MCF2: variants seen among roughly 807,000 people sequenced by gnomAD.
The protein encoded by MCF2 is MCF.2 cell line derived transforming sequence, also known as proto-oncogene DBL.
Under a neutral mutation model 82.5 loss-of-function variants are expected in MCF2, and 44 were observed. The ratio of observed to expected loss-of-function variants is 0.53; its 90% CI spans 0.42 to 0.69. The LOEUF is 0.69. MCF2 is among the 30% of genes least tolerant of loss of function. The pLI is 0.00. For missense variants in MCF2, 623 were observed against 663.1 expected, an observed-to-expected ratio of 0.94 and a Z score of 0.66; for synonymous variants, 217 against 224.9, an observed-to-expected ratio of 0.96 and a Z score of 0.32.
At chrX:139,679,384 G>A (rs1569398182) in intron 1 of MCF2, among the ~76,000 whole-genome samples, 1 of 112,380 alleles carries the variant, frequency 8.9e-6, no homozygotes, top group Non-Finnish European at 1.9e-5. Context: ...GGAAAGAATA[G>A]GAATACAAAA....
intron 23 of MCF2, 56 bp downstream of exon 27, chrX:139,586,322 C>T (rs1234999360): frequency 2.3e-5 from 19 of 840,907 alleles, no homozygotes; most frequent in African/African-American, 4.0e-5. Flanking sequence ...ATTAATAATA[C>T]GAGGTAAAAA....
intron 1 of MCF2, among the ~76,000 whole-genome samples, chrX:139,652,341 C>T (rs12397080): frequency 0.029 from 3,281 of 111,249 alleles, 114 homozygotes; most frequent in African/African-American, 0.1. Context: ...CATGCAAACG[C>T]GGGCAAGTTA....
intron 4 of MCF2, 85 bp from the exon 8 acceptor site, chrX:139,626,841 T>C: frequency 2.4e-6 from 2 of 822,845 alleles, no homozygotes; most frequent in Non-Finnish European, 3.5e-6. Context: ...AACTATGGCA[T>C]GAAGAATCGA....
At chrX:139,603,353 T>A (rs10521799) in intron 15 of MCF2, among the ~76,000 whole-genome samples, 4,581 of 112,026 alleles carry the variant, frequency 0.041, 115 homozygotes, top group African/African-American at 0.088. Flanking sequence ...TGGACTCTCG[T>A]TCTAAGGGCT....
chrX:139,620,778 T>C (rs1167021330), intron 6 of MCF2, among the ~76,000 whole-genome samples: 2 of 111,777 alleles, frequency 1.8e-5, no homozygotes, highest in Non-Finnish European at 3.8e-5. Flanking sequence ...ATCATTCAAA[T>C]GGCCATACTG....
Position 139,632,380 on chromosome X carries a change from G to A in MCF2, c.126C>T (p.Asp42=), listed in dbSNP as rs142257930. Residue 42 remains aspartate (D), a synonymous_variant, in exon 2 of 25, where the codon GAC becomes GAT. Coordinates refer to ENST00000370576, the Ensembl canonical transcript of MCF2. ...CCTCCTGACTAAACCAAAATCCAATGTCTGTGAACGTTCGTTGAAGAAAGC... is the reference window on the plus strand; with the variant it reads ...CCTCCTGACTAAACCAAAATCCAATATCTGTGAACGTTCGTTGAAGAAAGC... 92 of 1,196,649 alleles carry A rather than the reference G, an allele frequency of 7.7e-5. No homozygotes were observed. In the East Asian group the frequency reaches 2.7e-3, roughly 35 times the overall value.
At chrX:139,666,855 A>G (rs1051804979) in intron 1 of MCF2, among the ~76,000 whole-genome samples, 17 of 111,761 alleles carry the variant, frequency 1.5e-4, no homozygotes, top group African/African-American at 5.2e-4. Context: ...TCATATGTTC[A>G]GTAGCTTTAT....
At chrX:139,609,110 C>G (rs1325904583) in intron 11 of MCF2, among the ~76,000 whole-genome samples, 1 of 112,260 alleles carries the variant, frequency 8.9e-6, no homozygotes, top group Non-Finnish European at 1.9e-5. Flanking sequence ...AGAACTTACC[C>G]AAGTTTATAT....
chrX:139,688,996 G>C (rs1418599363), intron 1 of MCF2, among the ~76,000 whole-genome samples: 1 of 111,677 alleles, frequency 9.0e-6, no homozygotes, highest in Non-Finnish European at 1.9e-5. Context: ...CTGTGTTAAT[G>C]GCATCTCTTT....
chrX:139,655,628 G>A (rs991246652), intron 1 of MCF2, among the ~76,000 whole-genome samples: 1 of 110,937 alleles, frequency 9.0e-6, no homozygotes, highest in Non-Finnish European at 1.9e-5. Flanking sequence ...CCATTAACTC[G>A]TTATTTACAT....
intron 6 of MCF2, among the ~76,000 whole-genome samples, chrX:139,619,949 T>C (rs1932214641): frequency 9.1e-6 from 1 of 109,675 alleles, no homozygotes; most frequent in Admixed American, 9.8e-5. Flanking sequence ...TGAGGACATG[T>C]ATTTGCATAA....
At chrX:139,582,402 C>G in exon 25 of MCF2, 1 of 1,129,620 alleles carries the variant, frequency 8.9e-7, no homozygotes, top group Non-Finnish European at 1.2e-6. Context: ...GTCTTTTGCG[C>G]AGTATTTTTC....
chrX:139,667,122 T>C (rs1398260962), intron 1 of MCF2, among the ~76,000 whole-genome samples: 1 of 111,429 alleles, frequency 9.0e-6, no homozygotes, highest in Non-Finnish European at 1.9e-5. Flanking sequence ...TGATTGTTTT[T>C]CTGACTTCTT....
At chrX:139,625,920 T>A (rs926044245) in intron 6 of MCF2, among the ~76,000 whole-genome samples, 6 of 111,534 alleles carry the variant, frequency 5.4e-5, no homozygotes, top group Admixed American at 1.9e-4. Flanking sequence ...TAAATTTGAA[T>A]AACAAACCCC....
intron 6 of MCF2, among the ~76,000 whole-genome samples, chrX:139,619,997 T>TTGTGTGTGTG (rs57662065): frequency 1.4e-4 from 13 of 93,414 alleles, no homozygotes; most frequent in Admixed American, 2.4e-4. Context: ...ATATATACAT[T>TTGTGTGTGTG]TGTGTGTGTG....
At chrX:139,653,837 C>T (rs1401536386) in intron 1 of MCF2, among the ~76,000 whole-genome samples, 3 of 110,955 alleles carry the variant, frequency 2.7e-5, no homozygotes, top group Non-Finnish European at 5.7e-5. Flanking sequence ...CCAATCTACT[C>T]TCTATCTTCA....
intron 6 of MCF2, among the ~76,000 whole-genome samples, chrX:139,624,925 A>G (rs1932670729): frequency 9.0e-6 from 1 of 111,364 alleles, no homozygotes; most frequent in Admixed American, 9.6e-5. Context: ...AAAAAATATT[A>G]TCTGTATATA....
Position 139,605,779 on chromosome X carries a change from G to GC in MCF2, c.1491-1dup (p.Asn497LysfsTer6). On this transcript the variant is annotated frameshift_variant and splice_region_variant. Coordinates refer to ENST00000370576, the Ensembl canonical transcript of MCF2. LOFTEE classifies it high-confidence loss of function. ...TCTGTATCAGTTCATTTAGTACGTG[G>GC]CTAAAATGAAAAGACCATATTTATC... 8.5e-7 allele frequency: 1 copy of GC among 1,169,913 alleles called. No individual in the cohort carries two copies. Among genetic ancestry groups the GC allele is most frequent in the African/African-American group, 1.8e-5 (1 of 56,444 alleles).
rs1446561911 is a variant in MCF2, at chrX:139,619,665, T to C, written c.729A>G (p.Glu243=). Residue 243 remains glutamate (E), a synonymous_variant, in exon 7 of 25, where the codon GAA becomes GAG. Coordinates refer to ENST00000370576, the Ensembl canonical transcript of MCF2. ...CTATAGTCCCTGTTACATCAGCCAG[T>C]TCTGCTTGTTGGTTTAATAGAAATT... The C allele has an allele frequency of 8.4e-7, 1 of 1,184,375 alleles. No homozygotes were observed. Among genetic ancestry groups the C allele is most frequent in the African/African-American group, 1.8e-5 (1 of 55,835 alleles).
Sources: gnomAD v4.1 joint callset for allele counts (sites outside exome capture counted in the v4.1 genomes callset) on GRCh38, gnomAD v4.1.1 for gene constraint, MANE v1.5 for transcripts, NCBI Gene and HGNC (gene_info 2026-07-23, HGNC 2026-07-21) for gene names.